LRRC56: variants seen among roughly 807,000 people sequenced by gnomAD.
LRRC56 encodes the protein leucine-rich repeat-containing protein 56.
LRRC56 carries 41 observed loss-of-function variants against 47.8 expected under a neutral mutation model. The ratio of observed to expected loss-of-function variants is 0.86; its 90% CI spans 0.67 to 1.11. LRRC56 has a LOEUF of 1.11. Ranked by LOEUF, LRRC56 falls within the 50% of genes most tolerant of loss-of-function variation. The pLI is 0.00. For missense variants in LRRC56, 759 were observed against 704.2 expected (o/e 1.08, Z -0.88); for synonymous variants, 387 against 311.2 (o/e 1.24, Z -2.56).
the LRRC56 span, among the ~76,000 whole-genome samples, chr11:518,992 G>C: frequency 6.6e-6 from 1 of 152,120 alleles, no homozygotes; most frequent in African/African-American, 2.4e-5. Flanking sequence ...GCGCTTACGA[G>C]GGCGCGCGAG....
In LRRC56 at chr11:540,748, G is replaced by T. The variant is rs764857001; in HGVS notation, c.64G>T (p.Glu22Ter). 6.2e-7 allele frequency: 1 copy of T among 1,611,944 alleles called. No individual in the cohort carries two copies. Among genetic ancestry groups the T allele is most frequent in the Non-Finnish European group, 8.5e-7 (1 of 1,179,708 alleles). ...GAGCACCTCCAGCGTCCGGGTGCGG[G>T]AGCTGAGCTGGCAAGGCCTGCACAA... Reference protein sequence around the residue: ...RRSTSSVRVRELSWQGLHNPC... With the variant: ...RRSTSSVRVR The change falls in exon 4 of 14, where the codon GAG (glutamate) becomes TAG (stop). Residue 22 changes from glutamate to a stop codon, truncating the protein, a stop_gained. Transcript: ENST00000270115. LOFTEE classifies it high-confidence loss of function.
At chr11:525,335 C>A in the LRRC56 span, among the ~76,000 whole-genome samples, 1,086 of 151,852 alleles carry the variant, frequency 7.2e-3, 8 homozygotes, top group Middle Eastern at 0.01. Context: ...GTCAGGAGAT[C>A]GAGACCATCC....
chr11:515,564 C>T, the LRRC56 span, among the ~76,000 whole-genome samples: 1 of 152,202 alleles, frequency 6.6e-6, no homozygotes, highest in East Asian at 1.9e-4. Context: ...TGAGGCCAGG[C>T]ACAGTGCTCA....
At chr11:510,964 T>C in the LRRC56 span, among the ~76,000 whole-genome samples, 1 of 151,990 alleles carries the variant, frequency 6.6e-6, no homozygotes, top group Non-Finnish European at 1.5e-5. Context: ...GTATGAGATG[T>C]GTACATAAAG....
upstream of LRRC56, chr11:534,404 C>G (rs1170576952): frequency 3.0e-5 from 21 of 711,238 alleles, no homozygotes; most frequent in Admixed American, 1.6e-4. Context: ...CTCAGCCAGG[C>G]CCAGGCCCAG....
the LRRC56 span, among the ~76,000 whole-genome samples, chr11:530,198 G>A: frequency 4.6e-5 from 7 of 152,138 alleles, no homozygotes; most frequent in Non-Finnish European, 7.4e-5. Context: ...CAACCCCAGC[G>A]GGGCCCTGAT....
the LRRC56 span, among the ~76,000 whole-genome samples, chr11:522,508 C>T: frequency 6.6e-4 from 101 of 152,228 alleles, no homozygotes; most frequent in African/African-American, 2.1e-3. Context: ...CCTCGTGATT[C>T]GCCCACCTCG....
At chr11:524,386 C>G in the LRRC56 span, among the ~76,000 whole-genome samples, 1 of 152,128 alleles carries the variant, frequency 6.6e-6, no homozygotes, top group South Asian at 2.1e-4. Flanking sequence ...AATCCCAGCA[C>G]TTTGGGAGGC....
At position 553,978 on chromosome 11, in the gene LRRC56, C is replaced by CGA. The variant is rs1564809881; in HGVS notation, c.1333_1334dup (p.Ser445ArgfsTer56). 6.2e-7 allele frequency: 1 copy of CGA among 1,611,962 alleles called. No individual in the cohort carries two copies. The highest frequency in any genetic ancestry group is 8.5e-7 in the Non-Finnish European group (1 of 1,179,596). On this transcript the variant is annotated frameshift_variant, in exon 14 of 14. Coordinates refer to ENST00000270115, the MANE Select transcript of LRRC56 (RefSeq NM_198075.4). LOFTEE classifies it low-confidence loss of function (END_TRUNC). ...TGCTTTCTAGAGCCCTCCGGGACCTCGAGCCAGCACCTGGTCCCTTCACCT... is the reference window on the plus strand; with the variant it reads ...TGCTTTCTAGAGCCCTCCGGGACCTCGAGAGCCAGCACCTGGTCCCTTCACCT...
chr11:551,105 C>T, intron 8 of LRRC56, 26 bp from the exon 9 acceptor site: 1 of 928,370 alleles, frequency 1.1e-6, no homozygotes, highest in Non-Finnish European at 1.5e-6. Context: ...GACCTGCCCT[C>T]CCTCCCCCTC....
At chr11:546,703 C>T (rs1424120920) in intron 6 of LRRC56, among the ~76,000 whole-genome samples, 3 of 152,098 alleles carry the variant, frequency 2.0e-5, no homozygotes, top group African/African-American at 7.2e-5. Flanking sequence ...CAGCAGGCAC[C>T]CAGACGACAC....
In LRRC56 at chr11:541,285, G is replaced by T. The variant is rs938668142; in HGVS notation, c.178-252G>T. On this transcript the variant is annotated intron_variant, in intron 4 of 13. Transcript: ENST00000270115. The surrounding 1 kb of genome is among the most constrained non-coding windows in gnomAD (Gnocchi z 4.1). ...CGGGTGTGGTGTGTCTGCCCTGGGAGTCTCTCTGGAGACGGGCAGCCCCCA... is the reference window on the plus strand; with the variant it reads ...CGGGTGTGGTGTGTCTGCCCTGGGATTCTCTCTGGAGACGGGCAGCCCCCA... Among the ~76,000 whole-genome samples, 2 of 152,184 alleles carry T rather than the reference G, an allele frequency of 1.3e-5. No individual in the cohort carries two copies. Among genetic ancestry groups the T allele is most frequent in the East Asian group, 3.9e-4 (2 of 5,188 alleles).
rs556794356 is a variant in LRRC56 at position 541,876 on chromosome 11, G to A, written c.265+252G>A. The stretch of plus-strand genomic sequence containing the variant: ...ACACCCACACCAGTACCCCCAGCAC[G>A]CTCAGTACCCCACACACCCACGCCA... On this transcript the variant is annotated intron_variant, in intron 5 of 13. Transcript: ENST00000270115. The surrounding 1 kb of genome is among the most constrained non-coding windows in gnomAD (Gnocchi z 4.1). Among the ~76,000 whole-genome samples the A allele has an allele frequency of 6.1e-5, 8 of 131,080 alleles. No individual in the cohort carries two copies. The highest frequency in any genetic ancestry group is 2.4e-4 in the African/African-American group (8 of 33,862). The allele number at this position is 131,080 out of a possible 152,430, so 86.0% of individuals were successfully genotyped here. A position where few individuals can be genotyped will look rare whatever the true frequency, so the allele number is the denominator to read the frequency against.
rs762680448 is a variant in LRRC56 at position 541,488 on chromosome 11, A to G, written c.178-49A>G. On this transcript the variant is annotated intron_variant, in intron 4 of 13. Transcript: ENST00000270115. This position sits in a 1 kb window ranked among gnomAD's most constrained non-coding sequence, Gnocchi z 4.1. ...TGTAGCCAGAAGCAAGGATGGAACT[A>G]AAGTGGGGAGAGCCAGGACCAGCGC... 7 of 1,130,852 alleles carry G rather than the reference A, an allele frequency of 6.2e-6. No homozygotes were observed. Among genetic ancestry groups the G allele is most frequent in the Admixed American group, 2.5e-5 (1 of 39,438 alleles). 70.1% of individuals were successfully genotyped at this position (1,130,852 alleles called of 1,614,324 possible).
chr11:540,854 C>T lies in LRRC56; in HGVS notation c.170C>T (p.Ala57Val), dbSNP rs750143028. Residue 57 changes from alanine (A) to valine (V), a missense_variant, in exon 4 of 14, where the codon GCC (alanine) becomes GTC (valine). Physicochemically the swap from Ala to Val is moderately conservative, Grantham distance 64. Coordinates refer to ENST00000270115, the MANE Select transcript of LRRC56 (RefSeq NM_198075.4). The stretch of plus-strand genomic sequence containing the variant: ...CTGGTGGAAGAGTACCTGTCCCCTG[C>T]CCGGCTGGTGAGTGTGGGCGCTGGG... ...EQLVEEYLSP[A>V]RLQALARVDD... is the part of the protein sequence containing the mutation. 2.6e-6 allele frequency: 4 copies of T among 1,558,758 alleles called. No individual in the cohort carries two copies. In the Admixed American group the frequency reaches 7.7e-5, roughly 30 times the overall value.
chr11:530,080 C>G, the LRRC56 span, among the ~76,000 whole-genome samples: 2 of 152,190 alleles, frequency 1.3e-5, no homozygotes, highest in Non-Finnish European at 2.9e-5. Context: ...TGAAGCCACC[C>G]AGGGACCTGG....
chr11:534,571 T>C, upstream of LRRC56: 1 of 582,800 alleles, frequency 1.7e-6, no homozygotes, highest in South Asian at 2.0e-5. Context: ...CCCCACTTGC[T>C]CTTAATGACC....
chr11:517,533 C>T, the LRRC56 span, among the ~76,000 whole-genome samples: 3 of 149,742 alleles, frequency 2.0e-5, no homozygotes, highest in African/African-American at 4.9e-5. Context: ...CCGACTGCCC[C>T]GTCTGGGAAG....
chr11:520,560 C>A, the LRRC56 span, among the ~76,000 whole-genome samples: 2 of 152,124 alleles, frequency 1.3e-5, no homozygotes, highest in African/African-American at 2.4e-5. Flanking sequence ...CTCAAATGAT[C>A]CGCCCACCTC....
Sources: gnomAD v4.1 joint callset for allele counts (sites outside exome capture counted in the v4.1 genomes callset) on GRCh38, gnomAD v4.1.1 for gene constraint, Gnocchi (gnomAD v3.1) non-coding constraint, MANE v1.5 for transcripts, NCBI Gene and HGNC (gene_info 2026-07-23, HGNC 2026-07-21) for gene names.